MCTP1: variants seen among roughly 807,000 people sequenced by gnomAD.
MCTP1 encodes multiple C2 and transmembrane domain containing 1.
A neutral mutation model predicts 120.6 loss-of-function variants in MCTP1; 69 were observed. The observed-to-expected ratio is 0.57, with a 90% CI of 0.47 to 0.70. The LOEUF (loss-of-function observed/expected upper bound fraction) is 0.70. MCTP1 is among the 30% of genes least tolerant of loss of function. The pLI, the probability that MCTP1 is intolerant of heterozygous loss-of-function variation, is 0.00. For synonymous variants in MCTP1, 529 were observed against 493.1 expected (o/e 1.07, Z -0.96); for missense variants, 1,203 against 1,248.8 (o/e 0.96, Z 0.55).
Position 94,823,528 on chromosome 5 carries a change from G to T in MCTP1, c.2437-24396C>A, listed in dbSNP as rs145750536. On this transcript the variant is annotated intron_variant, in intron 17 of 22. Transcript: ENST00000515393. ...CTTAGGATTGTCTTGGCTATATGGG[G>T]TCTCTTTTGATTTCATATGAAATTT... 6.0e-3 allele frequency among the ~76,000 whole-genome samples: 918 copies of T among 152,100 alleles called. 15 individuals carry two copies. The highest frequency in any genetic ancestry group is 0.02 in the African/African-American group (851 of 41,518).
intron 18 of MCTP1, among the ~76,000 whole-genome samples, chr5:94,780,371 C>T (rs566112080): frequency 2.0e-5 from 3 of 152,030 alleles, no homozygotes; most frequent in African/African-American, 4.8e-5. Flanking sequence ...CATATCAGAA[C>T]TCCGTTATTC....
At chr5:95,031,870 G>A (rs1043097602) in intron 1 of MCTP1, among the ~76,000 whole-genome samples, 2 of 152,034 alleles carry the variant, frequency 1.3e-5, no homozygotes, top group African/African-American at 2.4e-5. Context: ...AATGACATCC[G>A]CAGGCTCAAA....
At chr5:95,157,045 C>T (rs28545090) in intron 1 of MCTP1, among the ~76,000 whole-genome samples, 2,457 of 152,094 alleles carry the variant, frequency 0.016, 58 homozygotes, top group African/African-American at 0.056. Context: ...ATAAAGTGCC[C>T]GGTATTCCTG....
chr5:95,169,635 G>A (rs1376763641), intron 1 of MCTP1, among the ~76,000 whole-genome samples: 1 of 152,174 alleles, frequency 6.6e-6, no homozygotes, highest in East Asian at 1.9e-4. Flanking sequence ...GAGGGTGTAT[G>A]TGTCCGGAAT....
chr5:94,920,273 T>G (rs1393559629), intron 7 of MCTP1, among the ~76,000 whole-genome samples: 1 of 11,762 alleles, frequency 8.5e-5, no homozygotes, highest in Admixed American at 1.2e-3. Context: ...CAGAGACCTG[T>G]TTTTTTTTTT....
In MCTP1 at chr5:95,284,753, A is replaced by T. The variant is rs1760619992; in HGVS notation, c.-178T>A. Among the ~76,000 whole-genome samples, 1 of 151,004 alleles carries T rather than the reference A, an allele frequency of 6.6e-6. No homozygotes were observed. The highest frequency in any genetic ancestry group is 1.5e-5 in the Non-Finnish European group (1 of 67,586). On this transcript the variant is annotated 5_prime_UTR_variant, in exon 1 of 23. Transcript: ENST00000515393. This position sits in a 1 kb window ranked among gnomAD's most constrained non-coding sequence, Gnocchi z 5.2. The stretch of plus-strand genomic sequence containing the variant: ...GCGACTTCAGGCCAGCTCGGGGGAA[A>T]GAAGCGGCCGCCGCCGCCGAGGCTC...
intron 1 of MCTP1, among the ~76,000 whole-genome samples, chr5:95,148,588 T>G (rs1482662862): frequency 6.6e-6 from 1 of 152,228 alleles, no homozygotes; most frequent in Non-Finnish European, 1.5e-5. Context: ...TTTTCAGCTC[T>G]TGGATCATTT....
In MCTP1 at chr5:95,187,657, C is replaced by T. The variant is rs111901274; in HGVS notation, c.720+96199G>A. On this transcript the variant is annotated intron_variant, in intron 1 of 22. Transcript: ENST00000515393. ...CCTCGTGATCCACCCGCCTCAGTCT[C>T]CTAAAGTGCTGGGATTACAGGCGTG... Among the ~76,000 whole-genome samples, 1,010 of 152,260 alleles carry T rather than the reference C, an allele frequency of 6.6e-3. 7 individuals carry two copies. Among genetic ancestry groups the T allele is most frequent in the African/African-American group, 0.024 (978 of 41,534 alleles).
chr5:95,142,348 G>A (rs1760002464), intron 1 of MCTP1, among the ~76,000 whole-genome samples: 1 of 152,100 alleles, frequency 6.6e-6, no homozygotes, highest in Non-Finnish European at 1.5e-5. Context: ...AAGAAATAAA[G>A]CTAACAGGAA....
chr5:95,227,363 C>T (rs577586003), intron 1 of MCTP1, among the ~76,000 whole-genome samples: 19 of 152,304 alleles, frequency 1.2e-4, no homozygotes, highest in Admixed American at 8.5e-4. Context: ...AGTTGTTCTG[C>T]TCCAGTATAA....
chr5:95,140,136 G>A (rs1413649652), intron 1 of MCTP1, among the ~76,000 whole-genome samples: 3 of 152,196 alleles, frequency 2.0e-5, no homozygotes, highest in African/African-American at 4.8e-5. Flanking sequence ...CATTTCTAGA[G>A]AGGATGGATA....
In MCTP1 at chr5:94,879,478, A is replaced by G. The variant is rs146327556; in HGVS notation, c.1934-6237T>C. Among the ~76,000 whole-genome samples, 280 of 152,222 alleles carry G rather than the reference A, an allele frequency of 1.8e-3. 1 individual carries two copies. The highest frequency in any genetic ancestry group is 6.5e-3 in the African/African-American group (270 of 41,562). On this transcript the variant is annotated intron_variant, in intron 12 of 22. Transcript: ENST00000515393. ...GGCAATACTACCCTCCTCCTAATTGATAATCATTGTCTAACAGCAATAATT... is the reference window on the plus strand; with the variant it reads ...GGCAATACTACCCTCCTCCTAATTGGTAATCATTGTCTAACAGCAATAATT...
chr5:95,189,327 A>G (rs932410198), intron 1 of MCTP1, among the ~76,000 whole-genome samples: 1 of 152,202 alleles, frequency 6.6e-6, no homozygotes, highest in Non-Finnish European at 1.5e-5. Context: ...AGGCCTTTCT[A>G]GGATGATGGA....
intron 10 of MCTP1, 28 bp from the exon 11 acceptor site, chr5:94,894,863 G>C (rs763611503): frequency 3.6e-5 from 48 of 1,345,622 alleles, no homozygotes; most frequent in Non-Finnish European, 4.3e-5. Flanking sequence ...GAATCAGCAA[G>C]TGGCTTTTTT....
intron 1 of MCTP1, among the ~76,000 whole-genome samples, chr5:95,216,044 ATTTAC>A (rs1477524140): frequency 3.3e-5 from 5 of 152,196 alleles, no homozygotes; most frequent in African/African-American, 1.2e-4. Context: ...AAAAACTAAA[ATTTAC>A]TTTCTTTGAT....
chr5:94,928,209 AAC>A (rs60502360), intron 6 of MCTP1, among the ~76,000 whole-genome samples: 1,701 of 148,490 alleles, frequency 0.011, 18 homozygotes, highest in African/African-American at 0.03. Context: ...TCTAGGTTAA[AAC>A]ACACACACAC....
intron 3 of MCTP1, among the ~76,000 whole-genome samples, chr5:94,947,845 C>T (rs1184969371): frequency 6.7e-6 from 1 of 150,372 alleles, no homozygotes; most frequent in African/African-American, 2.5e-5. Context: ...GGTCTTGAAC[C>T]TCCTGAGTTC....
At chr5:95,012,023 T>C (rs1393060893) in intron 2 of MCTP1, among the ~76,000 whole-genome samples, 1 of 152,102 alleles carries the variant, frequency 6.6e-6, no homozygotes, top group Non-Finnish European at 1.5e-5. Context: ...ATTGGGGAAA[T>C]TGTATTGAGA....
At position 94,878,902 on chromosome 5, in the gene MCTP1, T is replaced by C. The variant is rs1377451620; in HGVS notation, c.1934-5661A>G. Among the ~76,000 whole-genome samples, 5 of 151,992 alleles carry C rather than the reference T, an allele frequency of 3.3e-5. No homozygotes were observed. In the East Asian group the frequency reaches 7.8e-4, roughly 24 times the overall value. On this transcript the variant is annotated intron_variant, in intron 12 of 22. Coordinates refer to ENST00000515393, the MANE Select transcript of MCTP1 (RefSeq NM_024717.7). ...GAGGGTAGAGGAGGGGCACTGCTTA[T>C]AGATTTAATTGGGGTGGTCAGAATG...
Sources: allele counts gnomAD v4.1 joint callset (sites outside exome capture counted in the v4.1 genomes callset), GRCh38; gene constraint gnomAD v4.1.1; non-coding constraint Gnocchi (gnomAD v3.1); transcripts MANE v1.5; gene names NCBI Gene and HGNC (gene_info 2026-07-23, HGNC 2026-07-21).